The following EDIL3 variants were observed in gnomAD, a reference collection of about 807,000 sequenced individuals.
The protein encoded by EDIL3 is EGF like and discoidin domains 3, also known as EGF-like repeat and discoidin I-like domain-containing protein 3.
Under a neutral mutation model 67.4 loss-of-function variants are expected in EDIL3, and 37 were observed. That is an observed-to-expected ratio of 0.55 (90% CI 0.42 to 0.72). The LOEUF is 0.72. EDIL3 is among the 30% of genes least tolerant of loss of function. The pLI is 0.00. For missense variants in EDIL3, 527 were observed against 586.3 expected (o/e 0.90, Z 1.04); for synonymous variants, 195 against 196.3 (o/e 0.99, Z 0.05).
At chr5:84,223,170 GGAA>G (rs964710033) in intron 3 of EDIL3, among the ~76,000 whole-genome samples, 1 of 151,518 alleles carries the variant, frequency 6.6e-6, no homozygotes, top group African/African-American at 2.4e-5. Flanking sequence ...CAAGGTCCAG[GGAA>G]TCTTTGAACA....
intron 1 of EDIL3, among the ~76,000 whole-genome samples, chr5:84,304,038 C>A (rs1036046302): frequency 6.6e-6 from 1 of 151,990 alleles, no homozygotes; most frequent in Non-Finnish European, 1.5e-5. Flanking sequence ...GAGTAATATA[C>A]TCATTGGTGT....
intron 5 of EDIL3, among the ~76,000 whole-genome samples, chr5:84,117,618 T>A (rs187694509): frequency 1.1e-3 from 171 of 151,580 alleles, no homozygotes; most frequent in African/African-American, 4.1e-3. Flanking sequence ...TTGTAAATAA[T>A]CCTATGCTTG....
chr5:84,283,883 A>G (rs577339523), intron 1 of EDIL3, among the ~76,000 whole-genome samples: 180 of 152,190 alleles, frequency 1.2e-3, no homozygotes, highest in African/African-American at 4.1e-3. Flanking sequence ...CCACCCCGCA[A>G]AACTTTTCAG....
chr5:84,283,880 G>A (rs559124664), intron 1 of EDIL3, among the ~76,000 whole-genome samples: 8 of 151,990 alleles, frequency 5.3e-5, no homozygotes, highest in East Asian at 1.9e-4. Flanking sequence ...AAACCACCCC[G>A]CAAAACTTTT....
intron 1 of EDIL3, among the ~76,000 whole-genome samples, chr5:84,376,611 T>C (rs1172853043): frequency 2.0e-5 from 3 of 152,204 alleles, no homozygotes; most frequent in Non-Finnish European, 4.4e-5. Context: ...AAGGAATAGT[T>C]ATGTAAGAAA....
chr5:84,127,656 C>T, intron 5 of EDIL3, among the ~76,000 whole-genome samples: 1 of 152,080 alleles, frequency 6.6e-6, no homozygotes, highest in East Asian at 1.9e-4. Context: ...TGACCAGTTC[C>T]TATTCTGGAA....
intron 1 of EDIL3, among the ~76,000 whole-genome samples, chr5:84,314,880 A>G (rs1322362528): frequency 6.6e-6 from 1 of 152,100 alleles, no homozygotes; most frequent in African/African-American, 2.4e-5. Context: ...TAACCCTATT[A>G]AGTAGCCCAA....
chr5:84,315,946 G>A (rs1049120509), intron 1 of EDIL3, among the ~76,000 whole-genome samples: 6 of 152,082 alleles, frequency 3.9e-5, no homozygotes, highest in African/African-American at 1.4e-4. Flanking sequence ...AGAGAGTGGG[G>A]GCCAATATTC....
chr5:84,292,287 G>T (rs541379413), intron 1 of EDIL3, among the ~76,000 whole-genome samples: 1 of 152,048 alleles, frequency 6.6e-6, no homozygotes, highest in South Asian at 2.1e-4. Context: ...TAACACTGAT[G>T]ATTTTTTTTA....
chr5:84,167,182 T>C (rs746368265), intron 4 of EDIL3, among the ~76,000 whole-genome samples: 65 of 152,240 alleles, frequency 4.3e-4, no homozygotes, highest in Non-Finnish European at 7.4e-4. Context: ...TCATAGTGCA[T>C]AATGCTGCCT....
chr5:84,237,052 G>C (rs776012968), intron 2 of EDIL3, among the ~76,000 whole-genome samples: 1 of 152,004 alleles, frequency 6.6e-6, no homozygotes, highest in Non-Finnish European at 1.5e-5. Context: ...CAGCTCACTA[G>C]ATATGAATTT....
At chr5:84,170,467 T>A (rs1401593817) in intron 4 of EDIL3, among the ~76,000 whole-genome samples, 1 of 152,206 alleles carries the variant, frequency 6.6e-6, no homozygotes, top group African/African-American at 2.4e-5. Context: ...TATCACTATG[T>A]TCAAGGTCAG....
chr5:84,108,947 G>T (rs1041287843), intron 5 of EDIL3, among the ~76,000 whole-genome samples: 3 of 152,158 alleles, frequency 2.0e-5, no homozygotes, highest in Admixed American at 6.5e-5. Flanking sequence ...TGCTGAATTA[G>T]ATATCTTCAC....
At chr5:84,291,767 T>A (rs924567953) in intron 1 of EDIL3, among the ~76,000 whole-genome samples, 1 of 147,432 alleles carries the variant, frequency 6.8e-6, no homozygotes, top group Admixed American at 6.8e-5. Context: ...TATCTATATA[T>A]CTATATATCA....
intron 1 of EDIL3, among the ~76,000 whole-genome samples, 159 bp from the exon 2 acceptor site, chr5:84,254,371 T>C (rs1561236388): frequency 6.6e-6 from 1 of 151,934 alleles, no homozygotes; most frequent in Non-Finnish European, 1.5e-5. Flanking sequence ...TCAAACCATG[T>C]ACTCAAAAAA....
chr5:84,000,576 A>G (rs1745315644), intron 9 of EDIL3, among the ~76,000 whole-genome samples: 2 of 152,094 alleles, frequency 1.3e-5, no homozygotes, highest in African/African-American at 2.4e-5. Flanking sequence ...AAAAAAAAAG[A>G]GCAAGAAATA....
At chr5:84,102,323 C>T (rs550003116) in intron 6 of EDIL3, among the ~76,000 whole-genome samples, 1 of 152,094 alleles carries the variant, frequency 6.6e-6, no homozygotes, top group African/African-American at 2.4e-5. Flanking sequence ...CCAGGGCAAT[C>T]AGGCAAGAGA....
intron 6 of EDIL3, among the ~76,000 whole-genome samples, chr5:84,077,891 C>T (rs1343067116): frequency 1.3e-5 from 2 of 150,564 alleles, no homozygotes; most frequent in Non-Finnish European, 3.0e-5. Flanking sequence ...ACACACAATG[C>T]AAAGAGATGA....
chr5:84,162,828 G>T lies in EDIL3; in HGVS notation c.355+17565C>A, dbSNP rs145954324. Reference sequence around the variant, plus strand: ...CTGTCCTTGATCTGTATCCAGTGAGGACAGCTTAGGCCATAGCCCCTTGTC... The same window carrying T: ...CTGTCCTTGATCTGTATCCAGTGAGTACAGCTTAGGCCATAGCCCCTTGTC... On this transcript the variant is annotated intron_variant, in intron 4 of 10. Coordinates refer to ENST00000296591, the MANE Select transcript of EDIL3 (RefSeq NM_005711.5). Among the ~76,000 whole-genome samples, 332 of 152,170 alleles carry T rather than the reference G, an allele frequency of 2.2e-3. 2 individuals are homozygous for T. The highest frequency in any genetic ancestry group is 7.6e-3 in the African/African-American group (314 of 41,542).
Sources: gnomAD v4.1 joint callset for allele counts (sites outside exome capture counted in the v4.1 genomes callset) on GRCh38, gnomAD v4.1.1 for gene constraint, MANE v1.5 for transcripts, NCBI Gene and HGNC (gene_info 2026-07-23, HGNC 2026-07-21) for gene names.